TUSC3: variants seen among roughly 807,000 people sequenced by gnomAD.
TUSC3 encodes the protein tumor suppressor candidate 3, also known as dolichyl-diphosphooligosaccharide--protein glycosyltransferase subunit TUSC3.
In TUSC3, 45 loss-of-function variants were observed where a neutral mutation model predicts 44.8. That is an observed-to-expected ratio of 1.00 (90% confidence interval 0.79 to 1.29). The LOEUF is 1.29. Among genes scored for constraint, TUSC3 ranks in the 50% most tolerant of loss-of-function variants. TUSC3 has a pLI of 0.00. For synonymous variants in TUSC3, 212 were observed against 152.9 expected (o/e 1.39, Z -2.85); for missense variants, 519 against 437.9 (o/e 1.19, Z -1.65).
At chr8:15,729,665 A>G (rs1247582616) in intron 6 of TUSC3, among the ~76,000 whole-genome samples, 1 of 152,120 alleles carries the variant, frequency 6.6e-6, no homozygotes, top group Non-Finnish European at 1.5e-5. Flanking sequence ...AACATTGAGT[A>G]CACATGGACA....
At position 15,687,325 on chromosome 8, in the gene TUSC3, G is replaced by T. The variant is rs778388395; in HGVS notation, c.798+13489G>T. Among the ~76,000 whole-genome samples, 3 of 152,130 alleles carry T rather than the reference G, an allele frequency of 2.0e-5. No homozygotes were observed. The South Asian group carries it at 6.2e-4, about 31-fold the overall frequency. On this transcript the variant is annotated intron_variant, in intron 6 of 10. Coordinates refer to ENST00000503731, the MANE Select transcript of TUSC3 (RefSeq NM_006765.4). ...TTAGCCTCAAGTCTCAGTCTTCAGA[G>T]CCTCGCTTCTTATTGAGTTACATGA...
intron 1 of TUSC3, among the ~76,000 whole-genome samples, chr8:15,567,596 C>A (rs1056761747): frequency 2.0e-5 from 3 of 152,088 alleles, no homozygotes; most frequent in African/African-American, 7.2e-5. Context: ...TTTTAAATAT[C>A]AACTTGATGA....
chr8:15,721,862 G>A (rs1252698345), intron 6 of TUSC3, among the ~76,000 whole-genome samples: 1 of 151,902 alleles, frequency 6.6e-6, no homozygotes, highest in Non-Finnish European at 1.5e-5. Flanking sequence ...GGAAAATATA[G>A]TAGAATGAGA....
chr8:15,814,740 G>C, the TUSC3 span, among the ~76,000 whole-genome samples: 5 of 152,234 alleles, frequency 3.3e-5, no homozygotes, highest in African/African-American at 9.6e-5. Context: ...TGGACTTAGA[G>C]ATTTACCAAT....
intron 1 of TUSC3, among the ~76,000 whole-genome samples, chr8:15,618,293 G>T (rs1805084766): frequency 6.6e-6 from 1 of 152,032 alleles, no homozygotes; most frequent in Admixed American, 6.5e-5. Flanking sequence ...TTTTTTAAAA[G>T]TTTTTAATTT....
Position 15,764,404 on chromosome 8 carries a change from A to G in TUSC3, c.*248A>G. The stretch of plus-strand genomic sequence containing the variant: ...TCAATGGTAGCATTTAGTAATCTAC[A>G]AAGGAAATATCAAAGTGTTTTTCAA... On this transcript the variant is annotated 3_prime_UTR_variant, in exon 11 of 11. Transcript: ENST00000503731. 1 of 579,230 alleles carries G rather than the reference A, an allele frequency of 1.7e-6. No homozygotes were observed. The highest frequency in any genetic ancestry group is 3.1e-6 in the Non-Finnish European group (1 of 324,514). 35.9% of individuals were successfully genotyped at this position (579,230 alleles called of 1,614,324 possible).
At chr8:15,663,832 A>C (rs2129180564) in intron 5 of TUSC3, among the ~76,000 whole-genome samples, 1 of 152,014 alleles carries the variant, frequency 6.6e-6, no homozygotes, top group African/African-American at 2.4e-5. Context: ...TTAATTCAGT[A>C]AAGCTACCCA....
At chr8:15,636,838 T>C (rs868498858) in intron 2 of TUSC3, among the ~76,000 whole-genome samples, 32 of 152,316 alleles carry the variant, frequency 2.1e-4, no homozygotes, top group African/African-American at 7.0e-4. Context: ...TCTGAAGAGA[T>C]AGCAGTTTTT....
Position 15,586,906 on chromosome 8 carries a change from C to T in TUSC3, c.139-36174C>T, listed in dbSNP as rs140186981. ...AAAATTCTTGGGCCCCACTGACCTC[C>T]TGATTTTGAAATTCTTAATTTTGTA... On this transcript the variant is annotated intron_variant, in intron 1 of 10. Coordinates refer to ENST00000503731, the MANE Select transcript of TUSC3 (RefSeq NM_006765.4). 7.1e-4 allele frequency among the ~76,000 whole-genome samples: 108 copies of T among 152,248 alleles called. No homozygotes were observed. In the Middle Eastern group the frequency reaches 0.01, roughly 14 times the overall value.
At chr8:15,841,932 T>C in the TUSC3 span, among the ~76,000 whole-genome samples, 1 of 152,198 alleles carries the variant, frequency 6.6e-6, no homozygotes, top group Non-Finnish European at 1.5e-5. Flanking sequence ...ATGACTTATT[T>C]TAAGGTTCTA....
intron 4 of TUSC3, 102 bp downstream of exon 4, chr8:15,659,749 T>A: frequency 6.8e-7 from 1 of 1,468,750 alleles, no homozygotes; most frequent in Non-Finnish European, 9.4e-7. Context: ...TCTCTATGGT[T>A]GTTTCTCCTT....
chr8:15,541,731 A>G (rs898140512), intron 1 of TUSC3, among the ~76,000 whole-genome samples: 6 of 152,188 alleles, frequency 3.9e-5, no homozygotes, highest in Admixed American at 1.3e-4. Context: ...AATTGTATTT[A>G]CAAATATAAA....
chr8:15,679,366 G>A (rs1808317494), intron 6 of TUSC3, among the ~76,000 whole-genome samples: 1 of 151,976 alleles, frequency 6.6e-6, no homozygotes, highest in Admixed American at 6.6e-5. Flanking sequence ...GTGTTGATGA[G>A]CATTTTTTCA....
intron 6 of TUSC3, among the ~76,000 whole-genome samples, chr8:15,713,418 A>T (rs532277712): frequency 1.3e-5 from 2 of 152,200 alleles, no homozygotes; most frequent in African/African-American, 4.8e-5. Flanking sequence ...GACAATAAAC[A>T]TAAGGCATTA....
At chr8:15,782,379 T>A in the TUSC3 span, among the ~76,000 whole-genome samples, 1 of 151,958 alleles carries the variant, frequency 6.6e-6, no homozygotes, top group Non-Finnish European at 1.5e-5. Flanking sequence ...CTTGTAAGGG[T>A]GAGGCAGGAG....
chr8:15,501,347 T>C (rs1585067474), intron 2 of TUSC3, among the ~76,000 whole-genome samples: 1 of 152,296 alleles, frequency 6.6e-6, no homozygotes, highest in East Asian at 1.9e-4. Flanking sequence ...TTGGATCAAT[T>C]GTCCTGTCTT....
At chr8:15,733,724 A>T (rs1164177165) in intron 7 of TUSC3, 5 of 153,978 alleles carry the variant, frequency 3.2e-5, no homozygotes, top group African/African-American at 1.2e-4. Context: ...AAAGAGAAAA[A>T]TTCTTTTAAA....
At chr8:15,504,013 CAAA>C (rs11330340) in intron 2 of TUSC3, among the ~76,000 whole-genome samples, 64 of 113,088 alleles carry the variant, frequency 5.7e-4, no homozygotes, top group Middle Eastern at 4.9e-3. Flanking sequence ...GACTCTGTCT[CAAA>C]AAAAAAAAAA....
intron 1 of TUSC3, among the ~76,000 whole-genome samples, chr8:15,573,200 C>CTATATATATATA (rs756046911): frequency 1.1e-4 from 11 of 99,542 alleles, no homozygotes; most frequent in South Asian, 3.7e-4. Context: ...CTCTCTCTCT[C>CTATATATATATA]TCTATATATA....
Sources: gnomAD v4.1 joint callset for allele counts (sites outside exome capture counted in the v4.1 genomes callset) on GRCh38, gnomAD v4.1.1 for gene constraint, MANE v1.5 for transcripts, NCBI Gene and HGNC (gene_info 2026-07-23, HGNC 2026-07-21) for gene names.